EBF3: variants seen among roughly 807,000 people sequenced by gnomAD.
EBF3 encodes EBF transcription factor 3.
In EBF3, 18 loss-of-function variants were observed where a neutral mutation model predicts 77.1. That is an observed-to-expected ratio of 0.23 (90% confidence interval 0.16 to 0.35). The LOEUF (loss-of-function observed/expected upper bound fraction) is 0.35. Ranked by LOEUF, EBF3 falls within the 10% of genes least tolerant of loss-of-function variation. EBF3 has a pLI of 1.00. For synonymous variants in EBF3, 350 were observed against 343.5 expected (o/e 1.02, Z -0.21); for missense variants, 558 against 860.0 (o/e 0.65, Z 4.39).
At chr10:129,916,579 G>A (rs1564886070) in intron 6 of EBF3, among the ~76,000 whole-genome samples, 1 of 152,208 alleles carries the variant, frequency 6.6e-6, no homozygotes. Context: ...GAGGCTCAGA[G>A]GAGCATGAAG....
intron 6 of EBF3, among the ~76,000 whole-genome samples, chr10:129,945,341 C>T (rs1858123331): frequency 1.3e-5 from 2 of 152,238 alleles, no homozygotes; most frequent in South Asian, 2.1e-4. Flanking sequence ...GAAGATAACT[C>T]GGGAGAACCC....
In EBF3 at chr10:129,837,727, AT is replaced by A; in HGVS notation, c.*215del. On this transcript the variant is annotated 3_prime_UTR_variant, in exon 17 of 17. Coordinates refer to ENST00000440978, the MANE Select transcript of EBF3 (RefSeq NM_001375380.1). ...AGAAAAGTTCAGTCAATAAAATGGA[AT>A]TGTTCATGAAGAAGTAGGCTGTTTG... The A allele has an allele frequency of 1.7e-5, 10 of 590,876 alleles. No homozygotes were observed. Among genetic ancestry groups the A allele is most frequent in the Non-Finnish European group, 3.0e-5 (10 of 337,478 alleles). The allele number at this position is 590,876 out of a possible 1,614,324, so 36.6% of individuals were successfully genotyped here. A position where few individuals can be genotyped will look rare whatever the true frequency, so the allele number is the denominator to read the frequency against.
intron 6 of EBF3, among the ~76,000 whole-genome samples, chr10:129,899,627 C>A (rs56077987): frequency 1.3e-5 from 2 of 151,986 alleles, no homozygotes; most frequent in African/African-American, 4.8e-5. Flanking sequence ...AAGGCCAGGC[C>A]GGGGAATGGC....
intron 5 of EBF3, 21 bp from the exon 6 acceptor site, chr10:129,957,347 G>T: frequency 6.3e-7 from 1 of 1,581,242 alleles, no homozygotes; most frequent in South Asian, 1.2e-5. Context: ...ATTGTAAACA[G>T]TGGTTTTAAT....
At chr10:129,916,227 C>G (rs1211061955) in intron 6 of EBF3, among the ~76,000 whole-genome samples, 4 of 152,334 alleles carry the variant, frequency 2.6e-5, no homozygotes, top group African/African-American at 9.6e-5. Flanking sequence ...CAAAGCCTCC[C>G]TGGCAGGGGT....
intron 6 of EBF3, among the ~76,000 whole-genome samples, chr10:129,920,676 G>A (rs1029061767): frequency 3.9e-5 from 6 of 152,256 alleles, no homozygotes; most frequent in African/African-American, 1.4e-4. Flanking sequence ...GGAAAGCCAC[G>A]CTTTTGAAAG....
At chr10:129,933,533 C>T (rs968130133) in intron 6 of EBF3, among the ~76,000 whole-genome samples, 4 of 152,230 alleles carry the variant, frequency 2.6e-5, no homozygotes, top group African/African-American at 4.8e-5. Flanking sequence ...GAAAAAGGAT[C>T]TTGAAGCCCT....
chr10:129,936,361 T>C (rs1338948117), intron 6 of EBF3, among the ~76,000 whole-genome samples: 2 of 152,094 alleles, frequency 1.3e-5, no homozygotes, highest in African/African-American at 4.8e-5. Context: ...CCAGTGCATC[T>C]CTCTCTGGGG....
chr10:129,946,309 A>G (rs1205815459), intron 6 of EBF3, among the ~76,000 whole-genome samples: 1 of 152,240 alleles, frequency 6.6e-6, no homozygotes, highest in African/African-American at 2.4e-5. Context: ...ACAGTCTAAT[A>G]AATGGGAACA....
At chr10:129,911,716 T>C (rs892675510) in intron 6 of EBF3, among the ~76,000 whole-genome samples, 2 of 152,142 alleles carry the variant, frequency 1.3e-5, no homozygotes, top group African/African-American at 4.8e-5. Context: ...AGCACTGCTA[T>C]GGAAAACAGC....
At position 129,840,136 on chromosome 10, in the gene EBF3, A is replaced by G. The variant is rs1396367104; in HGVS notation, c.1759+109T>C. On this transcript the variant is annotated intron_variant, in intron 15 of 16. Coordinates refer to ENST00000440978, the MANE Select transcript of EBF3 (RefSeq NM_001375380.1). ...GCATCAAGGTGGGCCACGGGAGAAC[A>G]TGCAGCAGTCACAGAGGTGCCAGGA... 3.6e-6 allele frequency: 5 copies of G among 1,386,476 alleles called. 1 individual carries two copies. Among genetic ancestry groups the G allele is most frequent in the South Asian group, 1.4e-5 (1 of 70,726 alleles). 85.9% of individuals were successfully genotyped at this position (1,386,476 alleles called of 1,614,324 possible).
intron 6 of EBF3, among the ~76,000 whole-genome samples, chr10:129,950,258 C>CGCG (rs1334464259): frequency 6.6e-6 from 1 of 152,170 alleles, no homozygotes; most frequent in African/African-American, 2.4e-5. Flanking sequence ...ACTGGGAAGG[C>CGCG]GCGGCTGCTG....
rs1014704096 is a variant in EBF3, at chr10:129,896,530, G to A, written c.555-18681C>T. 6.6e-4 allele frequency among the ~76,000 whole-genome samples: 100 copies of A among 152,286 alleles called. 1 individual carries two copies. The highest frequency in any genetic ancestry group is 2.2e-3 in the African/African-American group (93 of 41,576). On this transcript the variant is annotated intron_variant, in intron 6 of 16. Transcript: ENST00000440978. ...CGGCGTGGGCCGGGTGTGGGGGTGC[G>A]ACAGGCCCTTGGGGGCTGCCCCTGT...
Position 129,941,546 on chromosome 10 carries a change from C to G in EBF3, c.554+15712G>C, listed in dbSNP as rs1282619525. On this transcript the variant is annotated intron_variant, in intron 6 of 16. Coordinates refer to ENST00000440978, the MANE Select transcript of EBF3 (RefSeq NM_001375380.1). ...GGCACTGGGAGAGAGGAGACTCGGC[C>G]ACAGACTCCGGGCAGGCCAAAGGGT... Among the ~76,000 whole-genome samples the G allele has an allele frequency of 2.0e-5, 3 of 151,792 alleles. No homozygotes were observed. The East Asian group carries it at 5.9e-4, about 30-fold the overall frequency.
intron 6 of EBF3, among the ~76,000 whole-genome samples, chr10:129,931,802 G>A (rs1288228724): frequency 5.9e-5 from 9 of 152,234 alleles, no homozygotes; most frequent in African/African-American, 7.2e-5. Flanking sequence ...CTCCCTGAGC[G>A]ACCCTGTGTC....
chr10:129,941,995 C>T (rs568119925), intron 6 of EBF3, among the ~76,000 whole-genome samples: 3 of 151,638 alleles, frequency 2.0e-5, no homozygotes, highest in South Asian at 2.2e-4. Flanking sequence ...GGGAATGGAG[C>T]CCCCCCACCC....
chr10:129,841,102 G>A lies in EBF3; in HGVS notation c.1373-70C>T, dbSNP rs1037077374. Reference sequence around the variant, plus strand: ...GACAGACACTTGGGGGGGGTTCCCCGAGAATCTATATCATATATTAACATT... The same window carrying A: ...GACAGACACTTGGGGGGGGTTCCCCAAGAATCTATATCATATATTAACATT... On this transcript the variant is annotated intron_variant, in intron 13 of 16. Transcript: ENST00000440978. The surrounding 1 kb of genome is among the most constrained non-coding windows in gnomAD (Gnocchi z 4.6). 14 of 1,565,064 alleles carry A rather than the reference G, an allele frequency of 8.9e-6. No individual in the cohort carries two copies. The highest frequency in any genetic ancestry group is 2.3e-4 in the Middle Eastern group (1 of 4,276).
intron 10 of EBF3, among the ~76,000 whole-genome samples, chr10:129,859,388 AT>A (rs1351729985): frequency 1.3e-5 from 2 of 151,530 alleles, no homozygotes; most frequent in Admixed American, 6.6e-5. Flanking sequence ...CACCTGGCTA[AT>A]TTTTTTTGTA....
intron 6 of EBF3, among the ~76,000 whole-genome samples, chr10:129,911,413 C>G (rs140039964): frequency 6.6e-6 from 1 of 152,252 alleles, no homozygotes; most frequent in Non-Finnish European, 1.5e-5. Flanking sequence ...CCTGGCTCCT[C>G]TCTCACTCCT....
Sources: allele counts gnomAD v4.1 joint callset (sites outside exome capture counted in the v4.1 genomes callset), GRCh38; gene constraint gnomAD v4.1.1; non-coding constraint Gnocchi (gnomAD v3.1); transcripts MANE v1.5; gene names NCBI Gene and HGNC (gene_info 2026-07-23, HGNC 2026-07-21).